Variants in CTNND2 observed in about 807,000 individuals in gnomAD.
CTNND2 encodes catenin delta 2.
CTNND2 carries 22 observed loss-of-function variants against 144.4 expected under a neutral mutation model. The observed-to-expected ratio is 0.15, with a 90% confidence interval of 0.11 to 0.22. The LOEUF (loss-of-function observed/expected upper bound fraction) is 0.22, where lower values mean the gene tolerates loss of function less well. Ranked by LOEUF, CTNND2 falls within the 10% of genes least tolerant of loss-of-function variation. The probability of loss-of-function intolerance (pLI) is 1.00; values close to 1 mark genes in which losing one functional copy is unlikely to be tolerated. For synonymous variants in CTNND2, 751 were observed against 695.6 expected, an observed-to-expected ratio of 1.08 and a Z score of -1.25; for missense variants, 1,353 against 1,618.8, an observed-to-expected ratio of 0.84 and a Z score of 2.82.
At chr5:11,428,870 T>A (rs1368286341) in intron 3 of CTNND2, among the ~76,000 whole-genome samples, 1 of 152,224 alleles carries the variant, frequency 6.6e-6, no homozygotes, top group African/African-American at 2.4e-5. Context: ...CATTCAAGAA[T>A]CAGTTCCTGA....
chr5:11,296,067 T>C (rs1241425658), intron 9 of CTNND2, among the ~76,000 whole-genome samples: 1 of 70,458 alleles, frequency 1.4e-5, no homozygotes, highest in East Asian at 3.7e-4. Flanking sequence ...TGGGAGAAAA[T>C]TTTTGCAATC....
intron 1 of CTNND2, among the ~76,000 whole-genome samples, chr5:11,789,533 T>C (rs1206461555): frequency 6.6e-6 from 1 of 152,212 alleles, no homozygotes; most frequent in Non-Finnish European, 1.5e-5. Context: ...TTTCTAGTTA[T>C]TTATGGCTGG....
At chr5:11,437,879 G>GCACC (rs1763907118) in intron 3 of CTNND2, among the ~76,000 whole-genome samples, 1 of 152,208 alleles carries the variant, frequency 6.6e-6, no homozygotes. Context: ...TATTCCACAA[G>GCACC]CACCCTCACA....
intron 2 of CTNND2, among the ~76,000 whole-genome samples, chr5:11,712,840 G>A (rs951700524): frequency 1.3e-5 from 2 of 152,154 alleles, no homozygotes; most frequent in African/African-American, 4.8e-5. Context: ...AGTTGGAGAA[G>A]ATAAGTTTTT....
chr5:11,501,802 A>T (rs1581353176), intron 3 of CTNND2, among the ~76,000 whole-genome samples: 1 of 151,782 alleles, frequency 6.6e-6, no homozygotes, highest in African/African-American at 2.4e-5. Context: ...AGGTCGGGAG[A>T]TTGAGACCAT....
chr5:11,296,667 G>A (rs1166848840), intron 9 of CTNND2, among the ~76,000 whole-genome samples: 2 of 152,180 alleles, frequency 1.3e-5, no homozygotes, highest in Admixed American at 1.3e-4. Context: ...AAAATGATGA[G>A]TTCATGTCCT....
At chr5:11,645,504 A>G (rs772925700) in intron 2 of CTNND2, among the ~76,000 whole-genome samples, 1 of 152,228 alleles carries the variant, frequency 6.6e-6, no homozygotes, top group African/African-American at 2.4e-5. Flanking sequence ...AAATTCAATT[A>G]TACGTGAATG....
At position 11,754,021 on chromosome 5, in the gene CTNND2, T is replaced by C. The variant is rs547045457; in HGVS notation, c.38-21749A>G. Among the ~76,000 whole-genome samples, 175 of 151,716 alleles carry C rather than the reference T, an allele frequency of 1.2e-3. 1 individual carries two copies. The highest frequency in any genetic ancestry group is 4.0e-3 in the African/African-American group (166 of 41,410). ...TGTATTTCTTGGGGGTCAGTGGTAATGTCCTCTTTGTTATTTCCAATTGTG... is the reference window on the plus strand; with the variant it reads ...TGTATTTCTTGGGGGTCAGTGGTAACGTCCTCTTTGTTATTTCCAATTGTG... On this transcript the variant is annotated intron_variant, in intron 1 of 21. Coordinates refer to ENST00000304623, the MANE Select transcript of CTNND2 (RefSeq NM_001332.4).
chr5:11,485,354 T>TGTGC (rs1444725211), intron 3 of CTNND2, among the ~76,000 whole-genome samples: 3 of 125,372 alleles, frequency 2.4e-5, no homozygotes, highest in African/African-American at 8.0e-5. Flanking sequence ...ACTGTGTGTG[T>TGTGC]GTGTGTGTGT....
chr5:11,760,982 G>T (rs1789229391), intron 1 of CTNND2, among the ~76,000 whole-genome samples: 1 of 152,090 alleles, frequency 6.6e-6, no homozygotes, highest in South Asian at 2.1e-4. Flanking sequence ...TCTTTTCATT[G>T]TATGAGTATT....
At chr5:11,608,383 T>C (rs571807273) in intron 2 of CTNND2, among the ~76,000 whole-genome samples, 2 of 152,278 alleles carry the variant, frequency 1.3e-5, no homozygotes, top group African/African-American at 4.8e-5. Context: ...TAGACTTCTC[T>C]AAGTTCACAC....
intron 10 of CTNND2, among the ~76,000 whole-genome samples, chr5:11,225,490 C>A (rs1441072112): frequency 6.6e-6 from 1 of 152,156 alleles, no homozygotes; most frequent in Non-Finnish European, 1.5e-5. Flanking sequence ...TTCAGAGATT[C>A]TCTTCCTCTT....
At chr5:11,055,670 C>T (rs1174157514) in intron 16 of CTNND2, among the ~76,000 whole-genome samples, 1 of 152,174 alleles carries the variant, frequency 6.6e-6, no homozygotes, top group Non-Finnish European at 1.5e-5. Flanking sequence ...AGAGGGATGG[C>T]CTGGAGTCTG....
intron 12 of CTNND2, among the ~76,000 whole-genome samples, chr5:11,139,318 A>C (rs1304870382): frequency 6.6e-6 from 1 of 152,228 alleles, no homozygotes; most frequent in East Asian, 1.9e-4. Context: ...TTACCCAAGA[A>C]GCCTGTCTGC....
At chr5:11,589,593 G>A (rs575849989) in intron 2 of CTNND2, among the ~76,000 whole-genome samples, 3 of 152,028 alleles carry the variant, frequency 2.0e-5, no homozygotes, top group Non-Finnish European at 2.9e-5. Context: ...TGCTAGATAC[G>A]GACTTTGAAG....
chr5:11,371,337 A>G (rs1319083702), intron 7 of CTNND2, among the ~76,000 whole-genome samples: 1 of 152,358 alleles, frequency 6.6e-6, no homozygotes, highest in East Asian at 1.9e-4. Flanking sequence ...AACTAACATA[A>G]CTTTGGTTAA....
intron 2 of CTNND2, among the ~76,000 whole-genome samples, chr5:11,601,119 G>A (rs561810097): frequency 6.6e-6 from 1 of 152,136 alleles, no homozygotes; most frequent in Non-Finnish European, 1.5e-5. Context: ...TATAACTAAG[G>A]ACTATGCGAA....
At chr5:11,309,288 G>A (rs1750566662) in intron 9 of CTNND2, among the ~76,000 whole-genome samples, 1 of 152,206 alleles carries the variant, frequency 6.6e-6, no homozygotes, top group South Asian at 2.1e-4. Context: ...GCCCATGAAA[G>A]CAGCTGAGGG....
chr5:11,173,824 G>A (rs79343447), intron 11 of CTNND2, among the ~76,000 whole-genome samples: 2,521 of 152,250 alleles, frequency 0.017, 29 homozygotes, highest in Non-Finnish European at 0.028. Context: ...CATTCACAGC[G>A]ATGTGCAGCC....
Sources: gnomAD v4.1 joint callset for allele counts (sites outside exome capture counted in the v4.1 genomes callset) on GRCh38, gnomAD v4.1.1 for gene constraint, MANE v1.5 for transcripts, NCBI Gene and HGNC (gene_info 2026-07-23, HGNC 2026-07-21) for gene names.